The following LMX1A variants were observed in gnomAD, a reference collection of about 807,000 sequenced individuals.
The protein encoded by LMX1A is LIM homeobox transcription factor 1-alpha.
In LMX1A, 15 loss-of-function variants were observed where a neutral mutation model predicts 49.1. The observed-to-expected ratio is 0.31, with a 90% CI of 0.20 to 0.47. The LOEUF (loss-of-function observed/expected upper bound fraction) is 0.47, where lower values mean the gene tolerates loss of function less well. Ranked by LOEUF, LMX1A falls within the 20% of genes least tolerant of loss-of-function variation. The pLI is 1.00. For synonymous variants in LMX1A, 167 were observed against 185.7 expected (o/e 0.90, Z 0.82); for missense variants, 372 against 475.8 (o/e 0.78, Z 2.03).
Position 165,339,969 on chromosome 1 carries a change from GC to G in LMX1A, c.263+13106del, listed in dbSNP as rs565756511. Among the ~76,000 whole-genome samples the G allele has an allele frequency of 7.9e-5, 12 of 152,078 alleles. No individual in the cohort carries two copies. The South Asian group carries it at 2.3e-3, about 29-fold the overall frequency. ...TATCTCTACCCCAAGTGGTATCTTT[GC>G]CCCCCATCTTTTTCTCACTACGCAT... On this transcript the variant is annotated intron_variant, in intron 3 of 8. Transcript: ENST00000342310.
chr1:165,331,121 C>A (rs1479312761), intron 3 of LMX1A, among the ~76,000 whole-genome samples: 1 of 152,118 alleles, frequency 6.6e-6, no homozygotes, highest in Admixed American at 6.6e-5. Context: ...ATTAACATGA[C>A]CCATACTCAA....
At chr1:165,240,185 A>G (rs1311790695) in intron 4 of LMX1A, among the ~76,000 whole-genome samples, 1 of 152,236 alleles carries the variant, frequency 6.6e-6, no homozygotes, top group Non-Finnish European at 1.5e-5. Context: ...TAAAAAATGT[A>G]TTTTAAGATT....
Position 165,249,646 on chromosome 1 carries a change from A to T in LMX1A, c.264-6T>A. On this transcript the variant is annotated splice_region_variant and splice_polypyrimidine_tract_variant and intron_variant, in intron 3 of 8. Coordinates refer to ENST00000342310, the MANE Select transcript of LMX1A (RefSeq NM_177398.4). ...CACATTTAACAGCAAACAGCCTGGCAGCAGGGAGAAAGGAAGTACATGCAC... is the reference window on the plus strand; with the variant it reads ...CACATTTAACAGCAAACAGCCTGGCTGCAGGGAGAAAGGAAGTACATGCAC... The T allele has an allele frequency of 6.2e-7, 1 of 1,611,292 alleles. No individual in the cohort carries two copies. The highest frequency in any genetic ancestry group is 8.5e-7 in the Non-Finnish European group (1 of 1,178,344).
chr1:165,296,497 C>T (rs1460259233), intron 3 of LMX1A, among the ~76,000 whole-genome samples: 1 of 152,234 alleles, frequency 6.6e-6, no homozygotes, highest in South Asian at 2.1e-4. Flanking sequence ...TGGAGAAGGG[C>T]CTGCTCTTAG....
At chr1:165,269,732 C>T (rs1267289992) in intron 3 of LMX1A, among the ~76,000 whole-genome samples, 3 of 152,182 alleles carry the variant, frequency 2.0e-5, no homozygotes, top group East Asian at 1.9e-4. Flanking sequence ...AATGAGATCA[C>T]GTCCTTTGCA....
intron 3 of LMX1A, among the ~76,000 whole-genome samples, chr1:165,284,266 G>A (rs185153498): frequency 1.1e-4 from 17 of 152,338 alleles, no homozygotes; most frequent in Admixed American, 9.1e-4. Flanking sequence ...AGCGTGAGCT[G>A]TAAATGTATG....
intron 3 of LMX1A, among the ~76,000 whole-genome samples, chr1:165,305,993 C>T (rs745324182): frequency 1.3e-5 from 2 of 152,140 alleles, no homozygotes; most frequent in South Asian, 2.1e-4. Flanking sequence ...AAGTACAATG[C>T]GTTACTAGCA....
At chr1:165,254,073 C>T (rs1257358364) in intron 3 of LMX1A, among the ~76,000 whole-genome samples, 3 of 152,166 alleles carry the variant, frequency 2.0e-5, no homozygotes, top group African/African-American at 7.2e-5. Context: ...TCTCCTTCTC[C>T]TCCCCTTCCC....
chr1:165,330,789 A>G (rs1655724017), intron 3 of LMX1A, among the ~76,000 whole-genome samples: 1 of 152,206 alleles, frequency 6.6e-6, no homozygotes, highest in African/African-American at 2.4e-5. Context: ...CACAGCAGCT[A>G]GAAAGTGAGG....
At chr1:165,234,335 T>C (rs1182288037) in intron 4 of LMX1A, among the ~76,000 whole-genome samples, 1 of 152,318 alleles carries the variant, frequency 6.6e-6, no homozygotes, top group East Asian at 1.9e-4. Context: ...TTCATACCCA[T>C]TGTGAAACCT....
rs1412521308 is a variant in LMX1A, at chr1:165,202,831, TG to T, written c.*1048del. On this transcript the variant is annotated 3_prime_UTR_variant, in exon 9 of 9. Transcript: ENST00000342310. ...GCCCTCTGGAGTTCAGGAGCCCTCC[TG>T]CTCTGCAACCCTATGTACCCTCCTT... 10 of 152,702 alleles carry T rather than the reference TG, an allele frequency of 6.5e-5. No individual in the cohort carries two copies. The highest frequency in any genetic ancestry group is 2.4e-4 in the African/African-American group (10 of 41,438). 9.5% of individuals were successfully genotyped at this position (152,702 alleles called of 1,614,324 possible). A position where few individuals can be genotyped will look rare whatever the true frequency, so the allele number is the denominator to read the frequency against.
intron 3 of LMX1A, among the ~76,000 whole-genome samples, chr1:165,306,686 T>C (rs566925195): frequency 2.6e-5 from 4 of 152,346 alleles, no homozygotes; most frequent in African/African-American, 9.6e-5. Flanking sequence ...CCTTCCCAAA[T>C]GTAGTCAGCA....
chr1:165,268,367 G>C (rs1324620692), intron 3 of LMX1A, among the ~76,000 whole-genome samples: 3 of 152,214 alleles, frequency 2.0e-5, no homozygotes, highest in Non-Finnish European at 4.4e-5. Flanking sequence ...TGGGGCCAGT[G>C]TTAAGGCCAA....
At chr1:165,340,070 A>G (rs1462014526) in intron 3 of LMX1A, among the ~76,000 whole-genome samples, 4 of 152,154 alleles carry the variant, frequency 2.6e-5, no homozygotes, top group African/African-American at 9.7e-5. Context: ...TATATGGTAT[A>G]AAATGCTGTC....
chr1:165,301,728 A>G (rs1409796133), intron 3 of LMX1A, among the ~76,000 whole-genome samples: 1 of 152,248 alleles, frequency 6.6e-6, no homozygotes, highest in Non-Finnish European at 1.5e-5. Flanking sequence ...GAACACAGAA[A>G]CAAAACAAAA....
Position 165,249,576 on chromosome 1 carries a change from C to T in LMX1A, c.328G>A (p.Ala110Thr), listed in dbSNP as rs1557862941. ...AIAPNEFVMR[A>T]QKSVYHLSCF... is the part of the protein sequence containing the mutation. ...CTCAGGTGGTATACACTCTTCTGGG[C>T]CCGCATAACAAACTCATTGGGAGCG... The change falls in exon 4 of 9, where the codon GCC becomes ACC. Residue 110 changes from alanine to threonine, a missense_variant. By Grantham distance (58) the Ala-to-Thr change is moderately conservative. Transcript: ENST00000342310. The T allele has an allele frequency of 5.0e-6, 8 of 1,614,188 alleles. No homozygotes were observed. Among genetic ancestry groups the T allele is most frequent in the Non-Finnish European group, 5.1e-6 (6 of 1,180,028 alleles).
chr1:165,248,011 G>A (rs1373412119), intron 4 of LMX1A, among the ~76,000 whole-genome samples: 1 of 152,194 alleles, frequency 6.6e-6, no homozygotes, highest in East Asian at 1.9e-4. Context: ...GAATATAGTG[G>A]TAAATAAGAC....
chr1:165,292,057 G>C (rs1294181184), intron 3 of LMX1A, among the ~76,000 whole-genome samples: 14 of 81,982 alleles, frequency 1.7e-4, no homozygotes, highest in African/African-American at 6.8e-4. Context: ...GCGAAACTCC[G>C]TCTCAAAAAA....
chr1:165,251,374 C>T (rs902577338), intron 3 of LMX1A, among the ~76,000 whole-genome samples: 1 of 152,190 alleles, frequency 6.6e-6, no homozygotes, highest in African/African-American at 2.4e-5. Context: ...TGAGCCACTG[C>T]TCCAGGCTTG....
Sources: allele counts gnomAD v4.1 joint callset (sites outside exome capture counted in the v4.1 genomes callset), GRCh38; gene constraint gnomAD v4.1.1; transcripts MANE v1.5; gene names NCBI Gene and HGNC (gene_info 2026-07-23, HGNC 2026-07-21).